JPH1: variants seen among roughly 807,000 people sequenced by gnomAD.
The protein encoded by JPH1 is junctophilin-1.
In JPH1, 12 loss-of-function variants were observed where a neutral mutation model predicts 53.6. That is an observed-to-expected ratio of 0.22 (90% CI 0.14 to 0.36). The LOEUF (loss-of-function observed/expected upper bound fraction) is 0.36, where lower values mean the gene tolerates loss of function less well. JPH1 is among the 10% of genes least tolerant of loss of function. The pLI is 1.00. For synonymous variants in JPH1, 375 were observed against 363.8 expected, an observed-to-expected ratio of 1.03 and a Z score of -0.35; for missense variants, 808 against 905.5, an observed-to-expected ratio of 0.89 and a Z score of 1.38.
At chr8:74,279,267 G>T (rs1806941205) in intron 2 of JPH1, among the ~76,000 whole-genome samples, 1 of 152,180 alleles carries the variant, frequency 6.6e-6, no homozygotes, top group Non-Finnish European at 1.5e-5. Context: ...AATTTCTTTG[G>T]GAGCTGAGCT....
At chr8:74,309,319 T>G (rs1479728282) in intron 2 of JPH1, among the ~76,000 whole-genome samples, 1 of 152,210 alleles carries the variant, frequency 6.6e-6, no homozygotes, top group African/African-American at 2.4e-5. Context: ...CCTCCTCACT[T>G]TATAGTATTT....
chr8:74,288,230 G>C (rs1050003270), intron 2 of JPH1, among the ~76,000 whole-genome samples: 2 of 152,216 alleles, frequency 1.3e-5, no homozygotes, highest in Non-Finnish European at 2.9e-5. Flanking sequence ...GGCGAGGACA[G>C]GTTTCATCTT....
At chr8:74,240,379 A>C (rs763946406) in intron 4 of JPH1, among the ~76,000 whole-genome samples, 2 of 150,760 alleles carry the variant, frequency 1.3e-5, no homozygotes, top group Non-Finnish European at 2.9e-5. Flanking sequence ...TTTTGTATCC[A>C]TTAAACATCC....
chr8:74,266,127 A>T (rs1252626763), intron 2 of JPH1, among the ~76,000 whole-genome samples: 1 of 133,866 alleles, frequency 7.5e-6, no homozygotes, highest in Non-Finnish European at 1.5e-5. Flanking sequence ...AGTATATACT[A>T]AAAAAAAAAC....
chr8:74,271,259 C>T (rs752977860), intron 2 of JPH1, among the ~76,000 whole-genome samples: 3 of 152,052 alleles, frequency 2.0e-5, no homozygotes, highest in Non-Finnish European at 4.4e-5. Context: ...CACCCCAGGC[C>T]CACCCTCCCC....
Position 74,315,338 on chromosome 8 carries a change from A to G in JPH1, c.662T>C (p.Met221Thr). The G allele has an allele frequency of 1.2e-6, 2 of 1,613,568 alleles. No homozygotes were observed. Among genetic ancestry groups the G allele is most frequent in the Non-Finnish European group, 1.7e-6 (2 of 1,180,004 alleles). ...CTTGGATTCGGACTTGCGAAGTTTC[A>G]TGCTTCCAAGAAGGGAGCCCCTCCG... ...LFRRGSLLGS[M>T]KLRKSESKSS... Residue 221 changes from methionine (M) to threonine (T), a missense_variant, in exon 2 of 6, where the codon ATG (methionine) becomes ACG (threonine). Met to Thr is a moderately conservative substitution (Grantham distance 81). Coordinates refer to ENST00000342232, the MANE Select transcript of JPH1 (RefSeq NM_020647.4). This position sits in a 1 kb window ranked among gnomAD's most constrained non-coding sequence, Gnocchi z 6.3.
chr8:74,308,019 T>C (rs1371073963), intron 2 of JPH1, among the ~76,000 whole-genome samples: 1 of 152,230 alleles, frequency 6.6e-6, no homozygotes, highest in Non-Finnish European at 1.5e-5. Flanking sequence ...TGTGAATAAC[T>C]GTTCTATCCC....
intron 2 of JPH1, among the ~76,000 whole-genome samples, chr8:74,279,401 G>A (rs1806944059): frequency 1.3e-5 from 2 of 152,156 alleles, no homozygotes; most frequent in African/African-American, 4.8e-5. Flanking sequence ...TTACTTCCTC[G>A]GAAGCAACAC....
rs192381826 is a variant in JPH1, at chr8:74,309,118, G to A, written c.1139+5743C>T. 1.9e-4 allele frequency among the ~76,000 whole-genome samples: 29 copies of A among 152,290 alleles called. No homozygotes were observed. In the East Asian group the frequency reaches 4.4e-3, roughly 23 times the overall value. On this transcript the variant is annotated intron_variant, in intron 2 of 5. Coordinates refer to ENST00000342232, the MANE Select transcript of JPH1 (RefSeq NM_020647.4). ...GCCCTGATCATCACCTGAAGTGCCA[G>A]TAATGGTCAGGGAGAGGTTGGCAAA... is the stretch of plus-strand genomic sequence containing the variant.
At chr8:74,273,092 ATCT>A (rs902305818) in intron 2 of JPH1, among the ~76,000 whole-genome samples, 1 of 152,322 alleles carries the variant, frequency 6.6e-6, no homozygotes, top group African/African-American at 2.4e-5. Flanking sequence ...TATTTTTAAA[ATCT>A]TCTTTGTAAT....
chr8:74,252,217 C>T (rs576198348), intron 3 of JPH1, among the ~76,000 whole-genome samples: 1 of 152,260 alleles, frequency 6.6e-6, no homozygotes, highest in Admixed American at 6.5e-5. Context: ...ACCATAAAAA[C>T]CCTAGAAGAA....
At chr8:74,261,317 T>G (rs542610243) in intron 2 of JPH1, among the ~76,000 whole-genome samples, 2 of 152,136 alleles carry the variant, frequency 1.3e-5, no homozygotes, top group East Asian at 3.9e-4. Context: ...ATGTTAATAA[T>G]AGGGGATATT....
chr8:74,284,641 T>G (rs1405167610), intron 2 of JPH1, among the ~76,000 whole-genome samples: 1 of 152,124 alleles, frequency 6.6e-6, no homozygotes, highest in African/African-American at 2.4e-5. Context: ...TCTGAATATG[T>G]TTACCTGGCA....
intron 3 of JPH1, among the ~76,000 whole-genome samples, chr8:74,252,726 C>T (rs1806101657): frequency 1.3e-5 from 2 of 151,818 alleles, no homozygotes; most frequent in Admixed American, 1.3e-4. Flanking sequence ...GAAAACAAAA[C>T]AAAGGCAGGG....
At chr8:74,301,668 T>G (rs971947915) in intron 2 of JPH1, among the ~76,000 whole-genome samples, 76 of 152,218 alleles carry the variant, frequency 5.0e-4, no homozygotes, top group Non-Finnish European at 1.6e-4. Flanking sequence ...CTTCCACTCA[T>G]TCTTCACCTG....
intron 3 of JPH1, among the ~76,000 whole-genome samples, chr8:74,251,592 G>C (rs1806063571): frequency 6.6e-6 from 1 of 151,712 alleles, no homozygotes; most frequent in Non-Finnish European, 1.5e-5. Flanking sequence ...ACATGGCTTT[G>C]TTTTTTTCTT....
At chr8:74,276,758 G>A (rs7844741) in intron 2 of JPH1, among the ~76,000 whole-genome samples, 3,300 of 152,204 alleles carry the variant, frequency 0.022, 118 homozygotes, top group African/African-American at 0.071. Context: ...TTCCTATGGT[G>A]GTCTTTCTGT....
chr8:74,262,528 A>G (rs1375189341), intron 2 of JPH1, among the ~76,000 whole-genome samples: 1 of 152,230 alleles, frequency 6.6e-6, no homozygotes, highest in African/African-American at 2.4e-5. Flanking sequence ...CCCCAAAAGC[A>G]TTTCATTTAT....
chr8:74,318,413 G>A (rs957302075), intron 1 of JPH1, among the ~76,000 whole-genome samples: 5 of 152,100 alleles, frequency 3.3e-5, no homozygotes, highest in African/African-American at 9.7e-5. Context: ...TATGCATCTA[G>A]TTAACAAAAC....
Sources: gnomAD v4.1 joint callset for allele counts (sites outside exome capture counted in the v4.1 genomes callset) on GRCh38, gnomAD v4.1.1 for gene constraint, Gnocchi (gnomAD v3.1) non-coding constraint, MANE v1.5 for transcripts, NCBI Gene and HGNC (gene_info 2026-07-23, HGNC 2026-07-21) for gene names.